Variants in PITPNM3 observed in about 807,000 individuals in gnomAD.
PITPNM3 encodes the protein membrane-associated phosphatidylinositol transfer protein 3.
PITPNM3 carries 26 observed loss-of-function variants against 102.0 expected under a neutral mutation model. The ratio of observed to expected loss-of-function variants is 0.25; its 90% CI spans 0.19 to 0.35. The LOEUF (loss-of-function observed/expected upper bound fraction) is 0.35, where lower values mean the gene tolerates loss of function less well. Among genes scored for constraint, PITPNM3 ranks in the 10% least tolerant of loss-of-function variants. The probability of loss-of-function intolerance (pLI) is 1.00; values close to 1 mark genes in which losing one functional copy is unlikely to be tolerated. For missense variants in PITPNM3, 1,083 were observed against 1,346.1 expected, an observed-to-expected ratio of 0.80 and a Z score of 3.06; for synonymous variants, 578 against 558.6, an observed-to-expected ratio of 1.03 and a Z score of -0.49.
At chr17:6,492,685 C>T (rs1012938265) in intron 4 of PITPNM3, among the ~76,000 whole-genome samples, 5 of 151,750 alleles carry the variant, frequency 3.3e-5, no homozygotes, top group African/African-American at 7.3e-5. Context: ...GGTGAAACCC[C>T]GTCTCTACTA....
intron 2 of PITPNM3, among the ~76,000 whole-genome samples, chr17:6,533,832 T>G (rs948946906): frequency 2.0e-5 from 3 of 152,176 alleles, no homozygotes; most frequent in Non-Finnish European, 2.9e-5. Flanking sequence ...ATGAGCTCCA[T>G]TGGCTGGGGC....
rs772995098 is a variant in PITPNM3 at position 6,461,415 on chromosome 17, C to T, written c.2448G>A (p.Pro816=). ...IFFSDGLVHD[P]LRQKAIFLRN... ...GCAGGAAGATGGCCTTCTGCCGCAG[C>T]GGGTCATGCACCAGCCCATCGGAGA... The change falls in exon 18 of 20, where the codon CCG becomes CCA. Residue 816 remains proline, a synonymous_variant. Coordinates refer to ENST00000262483, the MANE Select transcript of PITPNM3 (RefSeq NM_031220.4). 8 of 1,614,136 alleles carry T rather than the reference C, an allele frequency of 5.0e-6. No homozygotes were observed. Among genetic ancestry groups the T allele is most frequent in the East Asian group, 4.5e-5 (2 of 44,862 alleles).
intron 4 of PITPNM3, among the ~76,000 whole-genome samples, chr17:6,499,215 G>A (rs1326109461): frequency 6.6e-6 from 1 of 152,196 alleles, no homozygotes; most frequent in African/African-American, 2.4e-5. Flanking sequence ...CAGGCTGCCA[G>A]GCTGCCAGGC....
chr17:6,462,421 G>C (rs1199081885), intron 17 of PITPNM3, among the ~76,000 whole-genome samples: 1 of 152,082 alleles, frequency 6.6e-6, no homozygotes, highest in East Asian at 1.9e-4. Flanking sequence ...GAGCTGCTTT[G>C]CTGCCCCCTG....
Position 6,478,625 on chromosome 17 carries a change from G to A in PITPNM3, c.699C>T (p.Val233=), listed in dbSNP as rs149964592. 8.9e-3 allele frequency: 14,440 copies of A among 1,614,006 alleles called. 87 individuals are homozygous for A. The highest frequency in any genetic ancestry group is 0.012 in the Middle Eastern group (70 of 6,062). The change falls in exon 7 of 20, where the codon GTC becomes GTT. Residue 233 remains valine, a synonymous_variant. Coordinates refer to ENST00000262483, the MANE Select transcript of PITPNM3 (RefSeq NM_031220.4). This position sits in a 1 kb window ranked among gnomAD's most constrained non-coding sequence, Gnocchi z 4.4. ...AISSPQYQDA[V]ATVIERANQV... is the part of the protein sequence containing the mutation. ...GGTTGGCTCGCTCGATGACGGTGGC[G>A]ACAGCATCCTGGTACTGCGGGGAGG...
At chr17:6,519,413 G>C (rs1908375772) in intron 3 of PITPNM3, among the ~76,000 whole-genome samples, 1 of 151,476 alleles carries the variant, frequency 6.6e-6, no homozygotes, top group Non-Finnish European at 1.5e-5. Context: ...CCAGCTACTG[G>C]GGGACTGAGG....
Position 6,458,009 on chromosome 17 carries a change from C to A in PITPNM3, c.2491-287G>T, listed in dbSNP as rs1329629649. On this transcript the variant is annotated intron_variant, in intron 18 of 19. Coordinates refer to ENST00000262483, the MANE Select transcript of PITPNM3 (RefSeq NM_031220.4). This position sits in a 1 kb window ranked among gnomAD's most constrained non-coding sequence, Gnocchi z 5.1. Reference sequence around the variant, plus strand: ...CAGGTTAAGTAATAATGAAGGCAAGCGTTCCTTTGTGGATAAGGAAATTGA... The same window carrying A: ...CAGGTTAAGTAATAATGAAGGCAAGAGTTCCTTTGTGGATAAGGAAATTGA... 6.6e-6 allele frequency among the ~76,000 whole-genome samples: 1 copy of A among 152,166 alleles called. No homozygotes were observed. The highest frequency in any genetic ancestry group is 2.4e-5 in the African/African-American group (1 of 41,436).
Position 6,455,203 on chromosome 17 carries a change from G to T in PITPNM3, c.*135C>A. On this transcript the variant is annotated 3_prime_UTR_variant, in exon 20 of 20. Coordinates refer to ENST00000262483, the MANE Select transcript of PITPNM3 (RefSeq NM_031220.4). The stretch of plus-strand genomic sequence containing the variant: ...CTCGGGCAGGATCCCTCCCCGCTCT[G>T]GTCGGACACTGCTGGACAGACACGG... 8.3e-7 allele frequency: 1 copy of T among 1,201,464 alleles called. No homozygotes were observed. Among genetic ancestry groups the T allele is most frequent in the South Asian group, 1.6e-5 (1 of 62,218 alleles). The allele number at this position is 1,201,464 out of a possible 1,614,324, so 74.4% of individuals were successfully genotyped here. A position where few individuals can be genotyped will look rare whatever the true frequency, so the allele number is the denominator to read the frequency against.
In PITPNM3 at chr17:6,469,172, C is replaced by T. The variant is rs556695087; in HGVS notation, c.1774-831G>A. ...GGAGCACCCTTAGTCTGGCACTCATCGCCAGTTGTAAATGCCGTCCAAGCT... is the reference window on the plus strand; with the variant it reads ...GGAGCACCCTTAGTCTGGCACTCATTGCCAGTTGTAAATGCCGTCCAAGCT... On this transcript the variant is annotated intron_variant, in intron 13 of 19. Coordinates refer to ENST00000262483, the MANE Select transcript of PITPNM3 (RefSeq NM_031220.4). This position sits in a 1 kb window ranked among gnomAD's most constrained non-coding sequence, Gnocchi z 4.0. 6.6e-6 allele frequency among the ~76,000 whole-genome samples: 1 copy of T among 152,190 alleles called. No individual in the cohort carries two copies. The highest frequency in any genetic ancestry group is 2.4e-5 in the African/African-American group (1 of 41,450).
intron 3 of PITPNM3, among the ~76,000 whole-genome samples, chr17:6,505,679 C>T (rs1197385877): frequency 1.3e-5 from 2 of 152,216 alleles, no homozygotes; most frequent in East Asian, 1.9e-4. Flanking sequence ...ACTTTGACCA[C>T]CCAGCAGAGC....
At chr17:6,502,029 C>T (rs1480075430) in intron 4 of PITPNM3, among the ~76,000 whole-genome samples, 3 of 152,258 alleles carry the variant, frequency 2.0e-5, no homozygotes, top group Non-Finnish European at 4.4e-5. Flanking sequence ...CTCTCTCTGC[C>T]CTGCCCTTTC....
chr17:6,535,763 A>AC (rs1395883778), intron 2 of PITPNM3, among the ~76,000 whole-genome samples: 1 of 146,950 alleles, frequency 6.8e-6, no homozygotes, highest in Non-Finnish European at 1.5e-5. Context: ...TACTAAAAAT[A>AC]AAAAAAAAAA....
intron 17 of PITPNM3, among the ~76,000 whole-genome samples, chr17:6,463,077 CT>C (rs1343863239): frequency 6.6e-6 from 1 of 152,104 alleles, no homozygotes; most frequent in Admixed American, 6.5e-5. Flanking sequence ...GGGCTTCAGC[CT>C]GTCTAGGCCT....
chr17:6,543,168 G>A (rs1001753371), intron 1 of PITPNM3, among the ~76,000 whole-genome samples: 17 of 152,184 alleles, frequency 1.1e-4, no homozygotes, highest in African/African-American at 3.1e-4. Context: ...AGTGGGAGGG[G>A]CTGCTGGAAG....
intron 4 of PITPNM3, among the ~76,000 whole-genome samples, chr17:6,497,000 G>A (rs554368956): frequency 2.0e-5 from 3 of 152,186 alleles, no homozygotes; most frequent in African/African-American, 4.8e-5. Context: ...ACACACAAAC[G>A]AGAAGGAACG....
chr17:6,480,779 T>G (rs1905622232), intron 6 of PITPNM3: 2 of 152,394 alleles, frequency 1.3e-5, no homozygotes, highest in African/African-American at 4.8e-5. Context: ...ATATGACTGC[T>G]GAGAACCCAG....
chr17:6,501,145 C>A (rs1334789559), intron 4 of PITPNM3, among the ~76,000 whole-genome samples: 1 of 152,212 alleles, frequency 6.6e-6, no homozygotes, highest in Non-Finnish European at 1.5e-5. Flanking sequence ...CGGAGACAAG[C>A]CCCATGTCGG....
At chr17:6,503,375 T>G (rs951080256) in intron 4 of PITPNM3, 152 bp downstream of exon 4, 11 of 846,576 alleles carry the variant, frequency 1.3e-5, no homozygotes, top group Non-Finnish European at 1.9e-5. Context: ...TCAGGCTGAG[T>G]GACCCCAGGC....
intron 1 of PITPNM3, among the ~76,000 whole-genome samples, chr17:6,550,576 G>A (rs1337624046): frequency 6.6e-6 from 1 of 152,208 alleles, no homozygotes; most frequent in Non-Finnish European, 1.5e-5. Context: ...TTGACTGAAA[G>A]GGTCTGGTCT....
Sources: gnomAD v4.1 joint callset for allele counts (sites outside exome capture counted in the v4.1 genomes callset) on GRCh38, gnomAD v4.1.1 for gene constraint, Gnocchi (gnomAD v3.1) non-coding constraint, MANE v1.5 for transcripts, NCBI Gene and HGNC (gene_info 2026-07-23, HGNC 2026-07-21) for gene names.